Variants in TPO observed in about 807,000 individuals in gnomAD.
The protein encoded by TPO is thyroid microsomal antigen.
In TPO, 78 loss-of-function variants were observed where a neutral mutation model predicts 96.9. The observed-to-expected ratio is 0.81, with a 90% CI of 0.67 to 0.97. The LOEUF (loss-of-function observed/expected upper bound fraction) is 0.97. Among genes scored for constraint, TPO ranks in the 50% least tolerant of loss-of-function variants. The pLI, the probability that TPO is intolerant of heterozygous loss-of-function variation, is 0.00. For synonymous variants in TPO, 547 were observed against 538.0 expected, an observed-to-expected ratio of 1.02 and a Z score of -0.23; for missense variants, 1,252 against 1,274.8, an observed-to-expected ratio of 0.98 and a Z score of 0.27.
intron 1 of TPO, among the ~76,000 whole-genome samples, chr2:1,381,901 A>G (rs1198177514): frequency 6.6e-6 from 1 of 152,066 alleles, no homozygotes; most frequent in East Asian, 1.9e-4. Context: ...AATTGTCTCT[A>G]CCTCATGAAA....
At chr2:1,406,889 A>AC (rs1662257307) in intron 1 of TPO, among the ~76,000 whole-genome samples, 1 of 152,222 alleles carries the variant, frequency 6.6e-6, no homozygotes, top group Admixed American at 6.5e-5. Context: ...TCATTATTTG[A>AC]AAGATCATCA....
chr2:1,487,978 C>T lies in TPO; in HGVS notation c.1755C>T (p.Asp585=), dbSNP rs368643878. 6.2e-6 allele frequency: 10 copies of T among 1,613,214 alleles called. No individual in the cohort carries two copies. Among genetic ancestry groups the T allele is most frequent in the Non-Finnish European group, 8.5e-6 (10 of 1,180,036 alleles). The change falls in exon 10 of 17, where the codon GAC becomes GAT. Residue 585 remains aspartate, a synonymous_variant. Transcript: ENST00000329066. ...CCATCAACCTGCAGAGGGGCCGGGA[C>T]CACGGGCTGCCAGGTCTGCCAGTTC... is the stretch of plus-strand genomic sequence containing the variant. ...LASINLQRGR[D]HGLPGYNEWR...
chr2:1,477,046 CG>C, intron 7 of TPO, 39 bp from the exon 8 acceptor site: 1 of 1,586,734 alleles, frequency 6.3e-7, no homozygotes, highest in Admixed American at 1.7e-5. Context: ...AAAGGGTGCA[CG>C]GGGGCCCTGG....
At chr2:1,461,287 G>A (rs992444915) in intron 7 of TPO, among the ~76,000 whole-genome samples, 2 of 152,216 alleles carry the variant, frequency 1.3e-5, no homozygotes, top group Non-Finnish European at 2.9e-5. Flanking sequence ...ACTCAGTTAT[G>A]TGGATGGCTG....
intron 2 of TPO, among the ~76,000 whole-genome samples, chr2:1,421,712 G>T (rs1415461833): frequency 6.6e-6 from 1 of 152,172 alleles, no homozygotes; most frequent in African/African-American, 2.4e-5. Context: ...GGAACAGGAG[G>T]TTCCCTGATT....
chr2:1,474,152 T>A (rs567210552), intron 7 of TPO, among the ~76,000 whole-genome samples: 5 of 152,340 alleles, frequency 3.3e-5, no homozygotes, highest in African/African-American at 1.2e-4. Context: ...TACATTATAT[T>A]TTAGCAATTC....
At chr2:1,541,061 A>G (rs1242162120) in intron 16 of TPO, 1 of 1,255,144 alleles carries the variant, frequency 8.0e-7, no homozygotes. Context: ...TGACTTTTAA[A>G]TTCTGATTTT....
intron 1 of TPO, among the ~76,000 whole-genome samples, chr2:1,400,557 A>AGATTGCACCACTGCACTCCAGCCTG: frequency 8.1e-6 from 1 of 122,834 alleles, no homozygotes; most frequent in African/African-American, 3.4e-5. Flanking sequence ...TAAAGAAGTG[A>AGATTGCACCACTGCACTCCAGCCTG]GACTCTGTCT....
intron 5 of TPO, among the ~76,000 whole-genome samples, chr2:1,451,677 T>C (rs1034421176): frequency 2.6e-5 from 4 of 152,256 alleles, no homozygotes; most frequent in African/African-American, 9.6e-5. Flanking sequence ...TCAGTGCTGG[T>C]TGTTCCCACA....
rs549181349 is a variant in TPO, at chr2:1,393,471, G to A, written n.180+19069G>A. Among the ~76,000 whole-genome samples the A allele has an allele frequency of 5.8e-4, 88 of 152,364 alleles. 2 individuals are homozygous for A. Among genetic ancestry groups the A allele is most frequent in the Admixed American group, 1.6e-3 (24 of 15,314 alleles). On this transcript the variant is annotated intron_variant and non_coding_transcript_variant, in intron 1 of 5. Transcript: ENST00000497517. ...GTCCACACAGCACCTGGGTGGAAGA[G>A]GTGGGTGTTGGGGGAGGGCCTGGGC... is the stretch of plus-strand genomic sequence containing the variant.
intron 4 of TPO, 144 bp from the exon 5 acceptor site, chr2:1,436,108 G>A (rs1665542766): frequency 1.7e-6 from 2 of 1,209,758 alleles, no homozygotes; most frequent in Non-Finnish European, 2.4e-6. Context: ...AAGGGAGAAG[G>A]CAGATTTTCT....
At chr2:1,516,350 C>G (rs192092562) in intron 14 of TPO, among the ~76,000 whole-genome samples, 1 of 152,230 alleles carries the variant, frequency 6.6e-6, no homozygotes, top group East Asian at 1.9e-4. Context: ...CCCCGTCCCC[C>G]CAGGGCTCCA....
chr2:1,405,709 T>C (rs569474238), intron 1 of TPO, among the ~76,000 whole-genome samples: 2 of 152,306 alleles, frequency 1.3e-5, no homozygotes, highest in Non-Finnish European at 2.9e-5. Context: ...ATTAATTGCT[T>C]CTTTATCTTC....
rs748727701 is a variant in TPO at position 1,540,718 on chromosome 2, G to A, written c.2743G>A (p.Glu915Lys). 2 of 1,613,202 alleles carry A rather than the reference G, an allele frequency of 1.2e-6. No individual in the cohort carries two copies. The highest frequency in any genetic ancestry group is 1.7e-6 in the Non-Finnish European group (2 of 1,180,038). ...GCAGCGGGCCGCAGCTCAGGACTCG[G>A]AGCAGGTGGGCCACACCATGCCGCA... The part of the protein sequence containing the change: ...SPQRAAAQDS[E>K]QESAGMEGRD... Residue 915 changes from glutamate to lysine, a missense_variant, in exon 16 of 17, where the codon GAG becomes AAG. Glu to Lys is a moderately conservative substitution (Grantham distance 56). Coordinates refer to ENST00000329066, the MANE Select transcript of TPO (RefSeq NM_001206744.2).
chr2:1,381,109 A>G (rs1246996558), intron 1 of TPO, among the ~76,000 whole-genome samples: 5 of 152,218 alleles, frequency 3.3e-5, no homozygotes, highest in Non-Finnish European at 5.9e-5. Context: ...AGGCATGGGC[A>G]AAGACTTCGT....
rs896087429 is a variant in TPO at position 1,524,214 on chromosome 2, C to T, written c.2618+7232C>T. ...ATCCTGTGTGCAACCTCCTCAAATC[C>T]ACCCCACTGTGTGCAACCTCCTCAA... is the stretch of plus-strand genomic sequence containing the variant. On this transcript the variant is annotated intron_variant, in intron 15 of 16. Coordinates refer to ENST00000329066, the MANE Select transcript of TPO (RefSeq NM_001206744.2). Among the ~76,000 whole-genome samples, 25 of 137,946 alleles carry T rather than the reference C, an allele frequency of 1.8e-4. No individual in the cohort carries two copies. In the South Asian group the frequency reaches 1.9e-3, roughly 10 times the overall value. The allele number at this position is 137,946 out of a possible 152,430, so 90.5% of individuals were successfully genotyped here. A position where few individuals can be genotyped will look rare whatever the true frequency, so the allele number is the denominator to read the frequency against.
chr2:1,541,112 T>TTTATG, intron 16 of TPO: 1 of 1,193,128 alleles, frequency 8.4e-7, no homozygotes, highest in Non-Finnish European at 1.1e-6. Context: ...AATGTGTATG[T>TTTATG]TTATGTTTTA....
At chr2:1,514,231 G>T (rs985660956) in intron 14 of TPO, among the ~76,000 whole-genome samples, 1 of 152,140 alleles carries the variant, frequency 6.6e-6, no homozygotes, top group African/African-American at 2.4e-5. Context: ...CTCTACTGGG[G>T]CCCTGGAAGG....
intron 1 of TPO, among the ~76,000 whole-genome samples, chr2:1,391,833 C>T (rs369013789): frequency 6.6e-6 from 1 of 152,050 alleles, no homozygotes; most frequent in South Asian, 2.1e-4. Context: ...TGTTGGTGTA[C>T]AGGAATGCTT....
Sources: allele counts gnomAD v4.1 joint callset (sites outside exome capture counted in the v4.1 genomes callset), GRCh38; gene constraint gnomAD v4.1.1; transcripts MANE v1.5; gene names NCBI Gene and HGNC (gene_info 2026-07-23, HGNC 2026-07-21).